ZMAT4: variants seen among roughly 807,000 people sequenced by gnomAD.
ZMAT4 encodes zinc finger matrin-type 4.
Under a neutral mutation model 28.7 loss-of-function variants are expected in ZMAT4, and 17 were observed. The observed-to-expected ratio is 0.59, with a 90% CI of 0.41 to 0.89. The LOEUF (loss-of-function observed/expected upper bound fraction) is 0.89, where lower values mean the gene tolerates loss of function less well. Among genes scored for constraint, ZMAT4 ranks in the 40% least tolerant of loss-of-function variants. The probability of loss-of-function intolerance (pLI) is 0.00; values close to 1 mark genes in which losing one functional copy is unlikely to be tolerated. For synonymous variants in ZMAT4, 117 were observed against 109.2 expected (o/e 1.07, Z -0.44); for missense variants, 240 against 283.8 (o/e 0.85, Z 1.11).
At chr8:40,726,258 AACAG>A (rs1174023866) in intron 3 of ZMAT4, among the ~76,000 whole-genome samples, 1 of 152,232 alleles carries the variant, frequency 6.6e-6, no homozygotes, top group Non-Finnish European at 1.5e-5. Flanking sequence ...TTTGTGTTAA[AACAG>A]ACAGATCAGA....
At chr8:40,822,639 G>C (rs1815872181) in intron 2 of ZMAT4, among the ~76,000 whole-genome samples, 1 of 152,182 alleles carries the variant, frequency 6.6e-6, no homozygotes, top group Non-Finnish European at 1.5e-5. Flanking sequence ...CTCAACCAAA[G>C]CTGGGGAGGC....
At chr8:40,764,472 C>T (rs554195702) in intron 3 of ZMAT4, among the ~76,000 whole-genome samples, 7 of 152,280 alleles carry the variant, frequency 4.6e-5, no homozygotes, top group African/African-American at 1.7e-4. Context: ...AAGTAAATTT[C>T]GAGTTCCTAT....
intron 3 of ZMAT4, among the ~76,000 whole-genome samples, chr8:40,754,858 T>C (rs1445850734): frequency 3.9e-5 from 6 of 152,104 alleles, no homozygotes; most frequent in African/African-American, 1.4e-4. Flanking sequence ...ACTAAAAAAT[T>C]TTTAAAAATT....
chr8:40,798,785 AC>A lies in ZMAT4; in HGVS notation c.102+26789del, dbSNP rs1814698962. ...TCCTAAGGCTTCGACCTAGATCGAC[AC>A]AGGGTTCTATCAGTAAATAAAACGA... On this transcript the variant is annotated intron_variant, in intron 2 of 6. Transcript: ENST00000297737. Among the ~76,000 whole-genome samples the A allele has an allele frequency of 2.0e-5, 3 of 152,246 alleles. No individual in the cohort carries two copies. In the South Asian group the frequency reaches 6.2e-4, roughly 31 times the overall value.
intron 2 of ZMAT4, among the ~76,000 whole-genome samples, chr8:40,813,057 T>C (rs1016958159): frequency 1.3e-5 from 2 of 151,670 alleles, no homozygotes; most frequent in South Asian, 4.1e-4. Context: ...CTGTGACAAA[T>C]GTACCATAGC....
intron 1 of ZMAT4, among the ~76,000 whole-genome samples, chr8:40,862,395 G>A (rs1188668480): frequency 8.5e-6 from 1 of 118,144 alleles, no homozygotes; most frequent in East Asian, 2.6e-4. Flanking sequence ...ACAGGAAGGG[G>A]AATATCACAC....
At chr8:40,555,499 AT>A (rs942320371) in intron 6 of ZMAT4, among the ~76,000 whole-genome samples, 13 of 152,198 alleles carry the variant, frequency 8.5e-5, no homozygotes. Context: ...TTGTCCTCAG[AT>A]TTGTGATAAT....
intron 1 of ZMAT4, among the ~76,000 whole-genome samples, chr8:40,894,724 A>G (rs7005382): frequency 0.22 from 33,775 of 151,914 alleles, 4,063 homozygotes; most frequent in African/African-American, 0.28. Flanking sequence ...GAGTGTTTCA[A>G]ATCTCCAGAC....
At chr8:40,783,480 T>C (rs911716652) in intron 2 of ZMAT4, among the ~76,000 whole-genome samples, 1 of 152,174 alleles carries the variant, frequency 6.6e-6, no homozygotes, top group Non-Finnish European at 1.5e-5. Context: ...GGATGTGGTG[T>C]AAATGTTCTG....
intron 6 of ZMAT4, among the ~76,000 whole-genome samples, chr8:40,575,688 TA>T (rs1341479991): frequency 6.6e-6 from 1 of 151,532 alleles, no homozygotes; most frequent in East Asian, 1.9e-4. Context: ...AGCTATTCCA[TA>T]AAATTGGAAG....
At chr8:40,811,735 A>G (rs1471513224) in intron 2 of ZMAT4, among the ~76,000 whole-genome samples, 4 of 152,222 alleles carry the variant, frequency 2.6e-5, no homozygotes, top group African/African-American at 9.6e-5. Flanking sequence ...CATAGATTAC[A>G]TGTAAATGCA....
chr8:40,592,558 G>A (rs7845129), intron 5 of ZMAT4, among the ~76,000 whole-genome samples: 21,043 of 152,096 alleles, frequency 0.14, 2,032 homozygotes, highest in African/African-American at 0.27. Flanking sequence ...AATTTAATTG[G>A]GAAGCAAATG....
chr8:40,605,995 C>T (rs1360282012), intron 5 of ZMAT4, among the ~76,000 whole-genome samples: 5 of 152,198 alleles, frequency 3.3e-5, no homozygotes, highest in Non-Finnish European at 7.4e-5. Flanking sequence ...ATAACTACTT[C>T]TGTCACTTTT....
At chr8:40,870,825 T>C (rs894592366) in intron 1 of ZMAT4, among the ~76,000 whole-genome samples, 1 of 152,162 alleles carries the variant, frequency 6.6e-6, no homozygotes, top group Non-Finnish European at 1.5e-5. Flanking sequence ...TGGGTCTGCA[T>C]TGAGATTTTG....
intron 4 of ZMAT4, among the ~76,000 whole-genome samples, chr8:40,676,406 A>G (rs1189658153): frequency 2.0e-5 from 3 of 152,162 alleles, no homozygotes; most frequent in Admixed American, 6.5e-5. Context: ...TTAGTCCTAA[A>G]GCAGTATAGC....
intron 3 of ZMAT4, among the ~76,000 whole-genome samples, chr8:40,706,490 T>A (rs1810357739): frequency 6.6e-6 from 1 of 152,170 alleles, no homozygotes; most frequent in Non-Finnish European, 1.5e-5. Context: ...AATTCTTCAA[T>A]ATGTCATCTT....
Position 40,702,606 on chromosome 8 carries a change from A to G in ZMAT4, c.193-5205T>C, listed in dbSNP as rs531741752. ...AACACCTTTCCCTTTTGTTATAAAGATTTCTTTAATTTAATTCAGATGATT... is the reference window on the plus strand; with the variant it reads ...AACACCTTTCCCTTTTGTTATAAAGGTTTCTTTAATTTAATTCAGATGATT... On this transcript the variant is annotated intron_variant, in intron 3 of 6. Transcript: ENST00000297737. Among the ~76,000 whole-genome samples, 115 of 152,302 alleles carry G rather than the reference A, an allele frequency of 7.6e-4. 1 individual carries two copies. Among genetic ancestry groups the G allele is most frequent in the Admixed American group, 3.7e-3 (56 of 15,288 alleles).
rs1165457205 is a variant in ZMAT4 at position 40,863,786 on chromosome 8, G to A, written c.-5+33897C>T. 2.6e-5 allele frequency among the ~76,000 whole-genome samples: 4 copies of A among 152,256 alleles called. No homozygotes were observed. In the East Asian group the frequency reaches 7.7e-4, roughly 29 times the overall value. ...TTAACTTTCATGAGATACCAATTAT[G>A]GAAGACCTTGTGAAAATCATTATGT... is the stretch of plus-strand genomic sequence containing the variant. On this transcript the variant is annotated intron_variant, in intron 1 of 6. Transcript: ENST00000297737.
In ZMAT4 at chr8:40,790,617, A is replaced by G. The variant is rs1317862617; in HGVS notation, c.103-22887T>C. On this transcript the variant is annotated intron_variant, in intron 2 of 6. Transcript: ENST00000297737. ...AGACCTATACACTAAAAAATACAAA[A>G]CATTGTTGAGAAAAATTGAAAACAA... Among the ~76,000 whole-genome samples the G allele has an allele frequency of 2.6e-5, 4 of 152,194 alleles. No individual in the cohort carries two copies. In the East Asian group the frequency reaches 7.7e-4, roughly 29 times the overall value.
Sources: allele counts gnomAD v4.1 joint callset (sites outside exome capture counted in the v4.1 genomes callset), GRCh38; gene constraint gnomAD v4.1.1; transcripts MANE v1.5; gene names NCBI Gene and HGNC (gene_info 2026-07-23, HGNC 2026-07-21).